The following GPM6A variants were observed in gnomAD, a reference collection of about 807,000 sequenced individuals.
The protein encoded by GPM6A is glycoprotein M6A, also known as neuronal membrane glycoprotein M6-a.
In GPM6A, 7 loss-of-function variants were observed where a neutral mutation model predicts 32.1. The ratio of observed to expected loss-of-function variants is 0.22; its 90% CI spans 0.12 to 0.41. The LOEUF (loss-of-function observed/expected upper bound fraction) is 0.41. Among genes scored for constraint, GPM6A ranks in the 10% least tolerant of loss-of-function variants. The probability of loss-of-function intolerance (pLI) is 1.00; values close to 1 mark genes in which losing one functional copy is unlikely to be tolerated. For synonymous variants in GPM6A, 130 were observed against 123.4 expected (o/e 1.05, Z -0.35); for missense variants, 235 against 347.2 (o/e 0.68, Z 2.57).
chr4:175,719,694 C>G (rs1746016144), intron 1 of GPM6A, among the ~76,000 whole-genome samples: 1 of 152,060 alleles, frequency 6.6e-6, no homozygotes, highest in Non-Finnish European at 1.5e-5. Context: ...CTTGAATTGT[C>G]TAAGGTACAT....
rs1156478968 is a variant in GPM6A at position 175,829,315 on chromosome 4, CAG to C, written c.-22-17068_-22-17067del. On this transcript the variant is annotated intron_variant, in intron 1 of 7. Coordinates refer to the GPM6A transcript ENST00000280187. ...AGTTATAACCATAATCATATCAAGA[CAG>C]GGGGAAAGTTTCAAGTTGAAAGATT... Among the ~76,000 whole-genome samples, 12 of 152,176 alleles carry C rather than the reference CAG, an allele frequency of 7.9e-5. 1 individual carries two copies. Among genetic ancestry groups the C allele is most frequent in the Admixed American group, 4.6e-4 (7 of 15,268 alleles).
At chr4:175,697,526 C>T (rs922777577) in intron 2 of GPM6A, among the ~76,000 whole-genome samples, 2 of 152,010 alleles carry the variant, frequency 1.3e-5, no homozygotes, top group Non-Finnish European at 2.9e-5. Flanking sequence ...AGAAATAACT[C>T]CTAATGGATA....
intron 1 of GPM6A, among the ~76,000 whole-genome samples, chr4:175,954,010 T>G (rs1739903601): frequency 6.6e-6 from 1 of 152,224 alleles, no homozygotes; most frequent in Non-Finnish European, 1.5e-5. Flanking sequence ...TGAGAAATGC[T>G]GACAGCACTG....
At chr4:175,777,042 A>G (rs1223299332) in intron 1 of GPM6A, among the ~76,000 whole-genome samples, 2 of 152,314 alleles carry the variant, frequency 1.3e-5, no homozygotes, top group South Asian at 2.1e-4. Context: ...ATAAATTCCA[A>G]ATTTAATTTT....
intron 1 of GPM6A, among the ~76,000 whole-genome samples, chr4:175,897,160 G>A (rs1305676606): frequency 2.0e-5 from 3 of 152,136 alleles, no homozygotes; most frequent in African/African-American, 7.2e-5. Flanking sequence ...AATGTAGGAA[G>A]CTGGTGTCCA....
At chr4:175,659,177 G>T (rs1742258138) in intron 3 of GPM6A, among the ~76,000 whole-genome samples, 1 of 151,110 alleles carries the variant, frequency 6.6e-6, no homozygotes, top group South Asian at 2.1e-4. Flanking sequence ...CCTCCTCCCG[G>T]GTTCAAGCGA....
At chr4:175,785,240 C>G (rs1476804587) in intron 1 of GPM6A, among the ~76,000 whole-genome samples, 1 of 152,158 alleles carries the variant, frequency 6.6e-6, no homozygotes, top group African/African-American at 2.4e-5. Flanking sequence ...CCTGGGAATT[C>G]TGGCGCGGAG....
At chr4:175,981,799 G>A (rs1740827304) in intron 1 of GPM6A, among the ~76,000 whole-genome samples, 1 of 152,080 alleles carries the variant, frequency 6.6e-6, no homozygotes, top group Non-Finnish European at 1.5e-5. Context: ...ATAAAAAACA[G>A]CCAAGCCATT....
chr4:175,755,903 T>C (rs1212233256), intron 1 of GPM6A, among the ~76,000 whole-genome samples: 1 of 152,106 alleles, frequency 6.6e-6, no homozygotes, highest in African/African-American at 2.4e-5. Context: ...TCATAGTCAT[T>C]GACATCACAA....
intron 2 of GPM6A, among the ~76,000 whole-genome samples, chr4:175,691,093 G>C (rs1744271777): frequency 1.3e-5 from 2 of 152,172 alleles, no homozygotes; most frequent in South Asian, 4.1e-4. Context: ...AATATATAAA[G>C]TTAATAGAAT....
intron 1 of GPM6A, among the ~76,000 whole-genome samples, chr4:175,949,871 C>A (rs1739745922): frequency 6.6e-6 from 1 of 152,136 alleles, no homozygotes; most frequent in Admixed American, 6.6e-5. Flanking sequence ...GTTTGGATGA[C>A]AATTCATGAA....
chr4:175,803,177 TC>T (rs1429173449), intron 1 of GPM6A, among the ~76,000 whole-genome samples: 31 of 151,538 alleles, frequency 2.0e-4, no homozygotes, highest in African/African-American at 7.5e-4. Flanking sequence ...ATCATCATCA[TC>T]ATCATCATCA....
At chr4:175,975,625 T>G (rs1740635130) in intron 1 of GPM6A, among the ~76,000 whole-genome samples, 1 of 152,228 alleles carries the variant, frequency 6.6e-6, no homozygotes, top group Non-Finnish European at 1.5e-5. Flanking sequence ...TCCTAACTAA[T>G]TTTTAGAAAT....
chr4:175,667,567 CAAT>C (rs899672845), intron 3 of GPM6A, among the ~76,000 whole-genome samples: 8 of 152,074 alleles, frequency 5.3e-5, no homozygotes, highest in African/African-American at 1.9e-4. Context: ...TTTTAGTTAA[CAAT>C]AGTGTATCAC....
chr4:175,647,130 C>T (rs898071875), intron 4 of GPM6A, among the ~76,000 whole-genome samples: 2 of 152,216 alleles, frequency 1.3e-5, no homozygotes, highest in African/African-American at 4.8e-5. Flanking sequence ...AAGCTGCTCT[C>T]GCTAACATGC....
At chr4:175,814,475 C>G (rs1735038789), upstream of GPM6A, among the ~76,000 whole-genome samples, 1 of 152,112 alleles carries the variant, frequency 6.6e-6, no homozygotes, top group African/African-American at 2.4e-5. Flanking sequence ...AGCCTCAGTT[C>G]ATAGCTTTCT....
At chr4:175,647,469 A>G (rs1289338089) in intron 4 of GPM6A, among the ~76,000 whole-genome samples, 1 of 152,228 alleles carries the variant, frequency 6.6e-6, no homozygotes, top group African/African-American at 2.4e-5. Context: ...ATGATATGCT[A>G]TCTATAAATC....
intron 1 of GPM6A, among the ~76,000 whole-genome samples, chr4:175,847,894 C>T (rs570244366): frequency 2.0e-5 from 3 of 152,222 alleles, no homozygotes; most frequent in East Asian, 1.9e-4. Context: ...TGAACAGAAA[C>T]GTGCTCTGAT....
At chr4:175,791,618 CA>C (rs1300705541) in intron 1 of GPM6A, among the ~76,000 whole-genome samples, 1 of 152,148 alleles carries the variant, frequency 6.6e-6, no homozygotes, top group Non-Finnish European at 1.5e-5. Context: ...ATCCACATAA[CA>C]GAGAAGAGAT....
Sources: gnomAD v4.1 joint callset for allele counts (sites outside exome capture counted in the v4.1 genomes callset) on GRCh38, gnomAD v4.1.1 for gene constraint, MANE v1.5 for transcripts, NCBI Gene and HGNC (gene_info 2026-07-23, HGNC 2026-07-21) for gene names.